B3GALT1: variants seen among roughly 807,000 people sequenced by gnomAD.
B3GALT1 encodes beta-1,3-galactosyltransferase 1.
B3GALT1 carries 10 observed loss-of-function variants against 23.2 expected under a neutral mutation model. The observed-to-expected ratio is 0.43, with a 90% CI of 0.27 to 0.73. The LOEUF is 0.73. B3GALT1 is among the 30% of genes least tolerant of loss of function. The pLI, the probability that B3GALT1 is intolerant of heterozygous loss-of-function variation, is 0.21. For missense variants in B3GALT1, 299 were observed against 405.4 expected (o/e 0.74, Z 2.25); for synonymous variants, 156 against 141.5 (o/e 1.10, Z -0.73).
intron 2 of B3GALT1, among the ~76,000 whole-genome samples, chr2:167,608,524 A>G (rs1470823499): frequency 2.0e-5 from 3 of 151,690 alleles, no homozygotes; most frequent in Admixed American, 2.0e-4. Flanking sequence ...TGTGGTGTGT[A>G]CTTTATCTGT....
At chr2:167,362,717 T>A (rs1697517394) in intron 1 of B3GALT1, among the ~76,000 whole-genome samples, 1 of 152,080 alleles carries the variant, frequency 6.6e-6, no homozygotes, top group Non-Finnish European at 1.5e-5. Flanking sequence ...CCTTTTTTGC[T>A]CGTTTCTTAA....
At chr2:167,727,735 T>C (rs1024783274) in intron 3 of B3GALT1, among the ~76,000 whole-genome samples, 5 of 152,306 alleles carry the variant, frequency 3.3e-5, no homozygotes, top group Admixed American at 1.3e-4. Flanking sequence ...TAACAGGCTC[T>C]TTATCAAGAC....
intron 2 of B3GALT1, among the ~76,000 whole-genome samples, chr2:167,639,718 T>G (rs1427333362): frequency 6.6e-6 from 1 of 152,122 alleles, no homozygotes; most frequent in East Asian, 1.9e-4. Flanking sequence ...TTTTTTCTTT[T>G]GGTCTATCTG....
At chr2:167,588,850 CTTCCTTCCTTCCTTCT>C (rs1558916705) in intron 2 of B3GALT1, among the ~76,000 whole-genome samples, 2 of 132,870 alleles carry the variant, frequency 1.5e-5, no homozygotes, top group African/African-American at 3.0e-5. Context: ...TCCTTCTTTC[CTTCCTTCCTTCCTTCT>C]TTCCTTCCTT....
intron 3 of B3GALT1, among the ~76,000 whole-genome samples, chr2:167,801,084 T>C (rs1410150336): frequency 6.6e-6 from 1 of 152,240 alleles, no homozygotes; most frequent in Non-Finnish European, 1.5e-5. Flanking sequence ...ATGCATTATT[T>C]AGTACTTGAC....
chr2:167,494,822 T>C (rs898640238), intron 2 of B3GALT1, among the ~76,000 whole-genome samples: 5 of 152,174 alleles, frequency 3.3e-5, no homozygotes, highest in Non-Finnish European at 7.3e-5. Flanking sequence ...ATCAGAATCA[T>C]TTGGGAGACA....
chr2:167,356,759 A>G (rs1390871065), intron 1 of B3GALT1, among the ~76,000 whole-genome samples: 9 of 151,908 alleles, frequency 5.9e-5, no homozygotes, highest in Admixed American at 5.9e-4. Flanking sequence ...ACATATATGT[A>G]CACACACATA....
chr2:167,628,929 A>G (rs1558929773), intron 2 of B3GALT1, among the ~76,000 whole-genome samples: 1 of 151,808 alleles, frequency 6.6e-6, no homozygotes, highest in East Asian at 1.9e-4. Context: ...TGTGGAAGTT[A>G]CTTGCATAGG....
chr2:167,494,026 A>G (rs918806629), intron 2 of B3GALT1, among the ~76,000 whole-genome samples: 1 of 152,102 alleles, frequency 6.6e-6, no homozygotes, highest in Admixed American at 6.5e-5. Context: ...TAATAGGGAG[A>G]TCTGGGCTAA....
intron 3 of B3GALT1, among the ~76,000 whole-genome samples, chr2:167,678,865 C>T (rs891683828): frequency 1.3e-5 from 2 of 152,164 alleles, no homozygotes; most frequent in African/African-American, 4.8e-5. Flanking sequence ...AGACAGTTTG[C>T]TTCATGTAAT....
At chr2:167,590,261 G>GTGT (rs1334956996) in intron 2 of B3GALT1, among the ~76,000 whole-genome samples, 1 of 151,400 alleles carries the variant, frequency 6.6e-6, no homozygotes, top group Admixed American at 6.6e-5. Flanking sequence ...CAGGAGAATG[G>GTGT]TGTGAACCCG....
At chr2:167,416,003 A>G (rs2105298528) in intron 1 of B3GALT1, among the ~76,000 whole-genome samples, 1 of 150,502 alleles carries the variant, frequency 6.6e-6, no homozygotes, top group East Asian at 2.0e-4. Context: ...AAAGAGAAGC[A>G]AAAAAAAAGA....
intron 1 of B3GALT1, among the ~76,000 whole-genome samples, chr2:167,364,343 T>A (rs1206195647): frequency 2.0e-4 from 31 of 151,492 alleles, no homozygotes; most frequent in East Asian, 5.8e-4. Flanking sequence ...TATATAGTTT[T>A]TTTTTTCATT....
At chr2:167,851,851 C>G (rs1689908169) in intron 4 of B3GALT1, among the ~76,000 whole-genome samples, 2 of 152,272 alleles carry the variant, frequency 1.3e-5, no homozygotes, top group African/African-American at 2.4e-5. Flanking sequence ...CTGACATGTG[C>G]CTGGGGAGAC....
intron 3 of B3GALT1, among the ~76,000 whole-genome samples, chr2:167,803,467 G>A (rs1040746710): frequency 5.3e-5 from 8 of 152,094 alleles, no homozygotes; most frequent in South Asian, 4.1e-4. Context: ...GTTTTCTGTC[G>A]TCCCTGAGAT....
chr2:167,299,406 G>T (rs1696410555), intron 1 of B3GALT1, among the ~76,000 whole-genome samples: 1 of 152,166 alleles, frequency 6.6e-6, no homozygotes. Flanking sequence ...TTCTGTATCT[G>T]TCTATGCCAG....
intron 3 of B3GALT1, among the ~76,000 whole-genome samples, chr2:167,674,451 C>G (rs1213504295): frequency 2.6e-5 from 4 of 152,112 alleles, no homozygotes; most frequent in Non-Finnish European, 4.4e-5. Flanking sequence ...ATACTTGTAA[C>G]ATAAAATGGC....
At chr2:167,664,938 A>G (rs1203161546) in intron 3 of B3GALT1, among the ~76,000 whole-genome samples, 2 of 149,800 alleles carry the variant, frequency 1.3e-5, no homozygotes, top group Non-Finnish European at 3.0e-5. Flanking sequence ...TCTTTTCCTA[A>G]TTGAATACCC....
chr2:167,834,986 A>T (rs1475494535), intron 4 of B3GALT1, among the ~76,000 whole-genome samples: 1 of 152,214 alleles, frequency 6.6e-6, no homozygotes, highest in Admixed American at 6.5e-5. Flanking sequence ...ACTGAAAATG[A>T]CAACTTGATA....
Sources: gnomAD v4.1 joint callset for allele counts (sites outside exome capture counted in the v4.1 genomes callset) on GRCh38, gnomAD v4.1.1 for gene constraint, MANE v1.5 for transcripts, NCBI Gene and HGNC (gene_info 2026-07-23, HGNC 2026-07-21) for gene names.